SLC13A3: variants seen among roughly 807,000 people sequenced by gnomAD.
SLC13A3 encodes the protein Na(+)/dicarboxylate cotransporter 3.
Under a neutral mutation model 59.0 loss-of-function variants are expected in SLC13A3, and 40 were observed. The observed-to-expected ratio is 0.68, with a 90% CI of 0.53 to 0.88. The LOEUF is 0.88. SLC13A3 is among the 40% of genes least tolerant of loss of function. The pLI is 0.00. For synonymous variants in SLC13A3, 317 were observed against 330.3 expected, an observed-to-expected ratio of 0.96 and a Z score of 0.44; for missense variants, 699 against 783.2, an observed-to-expected ratio of 0.89 and a Z score of 1.28.
intron 4 of SLC13A3, among the ~76,000 whole-genome samples, chr20:46,599,236 C>A (rs2062347734): frequency 6.6e-6 from 1 of 152,258 alleles, no homozygotes. Flanking sequence ...TCATCGTAAG[C>A]TCCCAATAAA....
At chr20:46,660,534 G>GC (rs1250420542) in intron 1 of SLC13A3, among the ~76,000 whole-genome samples, 3 of 152,040 alleles carry the variant, frequency 2.0e-5, no homozygotes, top group South Asian at 4.2e-4. Context: ...TGTAAGTAAT[G>GC]CCCCATTTTT....
chr20:46,642,088 G>A (rs138630384), intron 1 of SLC13A3, among the ~76,000 whole-genome samples: 63 of 152,312 alleles, frequency 4.1e-4, no homozygotes, highest in African/African-American at 1.4e-3. Flanking sequence ...TCTGCCTCCC[G>A]ACAGACCCTG....
At chr20:46,571,443 T>G (rs2146090520) in intron 10 of SLC13A3, among the ~76,000 whole-genome samples, 1 of 152,360 alleles carries the variant, frequency 6.6e-6, no homozygotes, top group East Asian at 1.9e-4. Context: ...ATAGTGAAGA[T>G]GAGTGTGGCT....
chr20:46,622,690 CAA>C (rs1271269245), intron 1 of SLC13A3, among the ~76,000 whole-genome samples: 2 of 149,286 alleles, frequency 1.3e-5, no homozygotes, highest in East Asian at 4.0e-4. Context: ...TGAATAGCAA[CAA>C]AGTTACAAAT....
intron 10 of SLC13A3, among the ~76,000 whole-genome samples, chr20:46,572,756 G>T (rs143576025): frequency 6.6e-6 from 1 of 152,180 alleles, no homozygotes; most frequent in Non-Finnish European, 1.5e-5. Flanking sequence ...GGTGGGTGCC[G>T]TTGTGATTCC....
Position 46,675,782 on chromosome 20 carries a change from T to C in SLC13A3, c.-31+8614A>G, listed in dbSNP as rs56044935. Among the ~76,000 whole-genome samples the C allele has an allele frequency of 8.2e-3, 1,253 of 151,974 alleles. 16 individuals carry two copies. Among genetic ancestry groups the C allele is most frequent in the African/African-American group, 0.025 (1,053 of 41,380 alleles). On this transcript the variant is annotated intron_variant, in intron 1 of 6. Coordinates refer to the SLC13A3 transcript ENST00000372121. ...GAGATTTAATAGAATTCCTGGGCTG[T>C]GTGGAAACAGTGGGGACGACGGCAG...
At chr20:46,615,198 C>T (rs187061806) in intron 1 of SLC13A3, among the ~76,000 whole-genome samples, 3 of 152,220 alleles carry the variant, frequency 2.0e-5, no homozygotes, top group Non-Finnish European at 2.9e-5. Flanking sequence ...TTCAAGGCAA[C>T]GATCTTGCAT....
At chr20:46,652,230 G>A (rs1201521563), upstream of SLC13A3, among the ~76,000 whole-genome samples, 3 of 152,120 alleles carry the variant, frequency 2.0e-5, no homozygotes. Context: ...ATGTACCCCT[G>A]AACTTAAAAG....
chr20:46,614,454 C>T (rs1279860001), intron 1 of SLC13A3, among the ~76,000 whole-genome samples: 1 of 152,194 alleles, frequency 6.6e-6, no homozygotes, highest in African/African-American at 2.4e-5. Context: ...AATACTCCCG[C>T]AGTCCATCTC....
At position 46,675,445 on chromosome 20, in the gene SLC13A3, C is replaced by T. The variant is rs540356625; in HGVS notation, c.-31+8951G>A. Among the ~76,000 whole-genome samples, 506 of 147,226 alleles carry T rather than the reference C, an allele frequency of 3.4e-3. 2 individuals are homozygous for T. Among genetic ancestry groups the T allele is most frequent in the African/African-American group, 0.012 (491 of 39,830 alleles). On this transcript the variant is annotated intron_variant, in intron 1 of 6. Transcript: ENST00000372121. The stretch of plus-strand genomic sequence containing the variant: ...TTTTTCAGTAGAGACAAGGTTTCAC[C>T]GTGTTGCTCAGGCTGGTCTCGAACT...
At chr20:46,614,133 G>A (rs1294127610) in intron 1 of SLC13A3, among the ~76,000 whole-genome samples, 1 of 152,210 alleles carries the variant, frequency 6.6e-6, no homozygotes, top group Non-Finnish European at 1.5e-5. Context: ...AATCCAGAGA[G>A]TGTCCCATGA....
In SLC13A3 at chr20:46,592,529, A is replaced by C; in HGVS notation, c.795T>G (p.Ser265Arg). Residue 265 changes from serine (S) to arginine (R), a missense_variant and splice_region_variant, in exon 6 of 13, where the codon AGT becomes AGG. Coordinates refer to ENST00000279027, the MANE Select transcript of SLC13A3 (RefSeq NM_022829.6). Reference sequence around the variant, plus strand: ...TCACCACGTCACACTGCGGAAAGAAACTGGAGAACAGCGGGAGATGAGAAC... The same window carrying C: ...TCACCACGTCACACTGCGGAAAGAACCTGGAGAACAGCGGGAGATGAGAAC... ...PNLILLGQLK[S>R]FFPQCDVVNF... 1 of 1,613,512 alleles carries C rather than the reference A, an allele frequency of 6.2e-7. No homozygotes were observed. Among genetic ancestry groups the C allele is most frequent in the Non-Finnish European group, 8.5e-7 (1 of 1,179,596 alleles).
chr20:46,580,201 C>A (rs909142123), intron 9 of SLC13A3, among the ~76,000 whole-genome samples: 1 of 152,156 alleles, frequency 6.6e-6, no homozygotes, highest in African/African-American at 2.4e-5. Context: ...GGTGATCCAC[C>A]CACCTAAGCC....
intron 10 of SLC13A3, among the ~76,000 whole-genome samples, chr20:46,574,727 C>G (rs756442756): frequency 1.3e-5 from 2 of 152,114 alleles, no homozygotes; most frequent in Non-Finnish European, 2.9e-5. Context: ...TACTGTATCT[C>G]TCTGTGTCTC....
chr20:46,646,605 C>A (rs2062897057), intron 1 of SLC13A3, among the ~76,000 whole-genome samples: 1 of 152,174 alleles, frequency 6.6e-6, no homozygotes, highest in Non-Finnish European at 1.5e-5. Context: ...AGGCTCCCCT[C>A]TTCAGAGCCA....
Position 46,592,540 on chromosome 20 carries a change from G to A in SLC13A3, c.795-11C>T, listed in dbSNP as rs1466471926. ...CACTGCGGAAAGAAACTGGAGAACA[G>A]CGGGAGATGAGAACAGGCCAAGGGC... On this transcript the variant is annotated splice_polypyrimidine_tract_variant and intron_variant, in intron 5 of 12. Transcript: ENST00000279027. 6.2e-7 allele frequency: 1 copy of A among 1,613,014 alleles called. No homozygotes were observed. Among genetic ancestry groups the A allele is most frequent in the East Asian group, 2.2e-5 (1 of 44,870 alleles).
At chr20:46,639,631 A>G (rs1400709802) in intron 1 of SLC13A3, among the ~76,000 whole-genome samples, 3 of 152,164 alleles carry the variant, frequency 2.0e-5, no homozygotes, top group Non-Finnish European at 2.9e-5. Context: ...TCTGGATGAC[A>G]TCACTGTCCT....
intron 11 of SLC13A3, 49 bp from the exon 12 acceptor site, chr20:46,563,600 C>T (rs201068155): frequency 2.2e-6 from 3 of 1,389,718 alleles, no homozygotes; most frequent in African/African-American, 3.3e-5. Context: ...CAACGCAGAG[C>T]GACCACAGCA....
intron 10 of SLC13A3, 83 bp from the exon 11 acceptor site, chr20:46,566,473 A>G: frequency 1.4e-6 from 2 of 1,454,296 alleles, no homozygotes; most frequent in Non-Finnish European, 1.9e-6. Context: ...GATCACAACA[A>G]TGACGACCAT....
Sources: gnomAD v4.1 joint callset for allele counts (sites outside exome capture counted in the v4.1 genomes callset) on GRCh38, gnomAD v4.1.1 for gene constraint, MANE v1.5 for transcripts, NCBI Gene and HGNC (gene_info 2026-07-23, HGNC 2026-07-21) for gene names.